CFAP161: variants seen among roughly 807,000 people sequenced by gnomAD.
The protein encoded by CFAP161 is cilia- and flagella-associated protein 161.
Under a neutral mutation model 29.0 loss-of-function variants are expected in CFAP161, and 25 were observed. That is an observed-to-expected ratio of 0.86 (90% confidence interval 0.63 to 1.20). The LOEUF is 1.20. Ranked by LOEUF, CFAP161 falls within the 50% of genes most tolerant of loss-of-function variation. The probability of loss-of-function intolerance (pLI) is 0.00; values close to 1 mark genes in which losing one functional copy is unlikely to be tolerated. For synonymous variants in CFAP161, 116 were observed against 137.4 expected (o/e 0.84, Z 1.09); for missense variants, 367 against 371.9 (o/e 0.99, Z 0.11).
At chr15:81,113,249 A>T (rs1434939963) in intron 1 of CFAP161, among the ~76,000 whole-genome samples, 1 of 152,212 alleles carries the variant, frequency 6.6e-6, no homozygotes, top group Non-Finnish European at 1.5e-5. Flanking sequence ...GAGTAACACC[A>T]GAGACTGCAC....
chr15:81,116,371 G>A (rs900261023), intron 1 of CFAP161, among the ~76,000 whole-genome samples: 4 of 152,212 alleles, frequency 2.6e-5, no homozygotes, highest in Non-Finnish European at 4.4e-5. Flanking sequence ...TTGGCTCACT[G>A]CAGCCTCCGC....
At chr15:81,124,861 C>T (rs1376281618) in intron 1 of CFAP161, among the ~76,000 whole-genome samples, 1 of 151,966 alleles carries the variant, frequency 6.6e-6, no homozygotes, top group African/African-American at 2.4e-5. Flanking sequence ...TAATATTCCC[C>T]TTATCATTTC....
intron 1 of CFAP161, among the ~76,000 whole-genome samples, chr15:81,125,922 T>C (rs1894635484): frequency 1.3e-5 from 2 of 152,310 alleles, no homozygotes; most frequent in South Asian, 4.1e-4. Context: ...TAGGCTGGAG[T>C]GCAGTGGCAC....
intron 1 of CFAP161, among the ~76,000 whole-genome samples, chr15:81,121,704 AC>A (rs1421101247): frequency 2.0e-5 from 3 of 152,172 alleles, no homozygotes; most frequent in Non-Finnish European, 4.4e-5. Context: ...TTTCCCCATA[AC>A]ATATTTTTTT....
intron 1 of CFAP161, among the ~76,000 whole-genome samples, chr15:81,125,598 A>G (rs1049663714): frequency 1.3e-5 from 2 of 152,230 alleles, no homozygotes; most frequent in African/African-American, 4.8e-5. Context: ...TTTATTTACT[A>G]AAGGTTTACT....
At chr15:81,115,974 T>G (rs1245120214) in intron 1 of CFAP161, among the ~76,000 whole-genome samples, 1 of 151,946 alleles carries the variant, frequency 6.6e-6, no homozygotes, top group Non-Finnish European at 1.5e-5. Flanking sequence ...ATTAATTGAA[T>G]GAATCAAATG....
intron 1 of CFAP161, among the ~76,000 whole-genome samples, chr15:81,113,954 T>G (rs1894466946): frequency 6.6e-6 from 1 of 152,216 alleles, no homozygotes; most frequent in African/African-American, 2.4e-5. Flanking sequence ...GAGCTTATTA[T>G]GAATAACAAA....
Position 81,138,103 on chromosome 15 carries a change from CT to C in CFAP161, c.446del (p.Leu149ArgfsTer3), listed in dbSNP as rs1309126953. ...QVLRYGQDFCLGITGGFDNKM... is the reference protein window; with the variant it reads ...QVLRYGQDFCXGITGGFDNKM... ...CCTTAGATATGGGCAGGACTTTTGC[CT>C]GGGGATAACAGGAGGATTTGACAAC... On this transcript the variant is annotated frameshift_variant, in exon 4 of 7. Transcript: ENST00000286732. LOFTEE classifies it high-confidence loss of function. The C allele has an allele frequency of 5.6e-6, 9 of 1,613,010 alleles. No homozygotes were observed. The highest frequency in any genetic ancestry group is 1.3e-5 in the African/African-American group (1 of 74,886).
chr15:81,126,623 C>G (rs1894644693), intron 1 of CFAP161, among the ~76,000 whole-genome samples: 1 of 152,136 alleles, frequency 6.6e-6, no homozygotes, highest in Non-Finnish European at 1.5e-5. Context: ...TTGCTCTGAG[C>G]TCAAGATTTT....
At chr15:81,142,043 C>T (rs892755795) in intron 4 of CFAP161, among the ~76,000 whole-genome samples, 3 of 152,050 alleles carry the variant, frequency 2.0e-5, no homozygotes, top group African/African-American at 7.2e-5. Context: ...TCATCCAGGG[C>T]CAATGGCGAA....
At chr15:81,147,799 C>T (rs1471249969) in intron 5 of CFAP161, 59 bp from the exon 6 acceptor site, 6 of 1,357,352 alleles carry the variant, frequency 4.4e-6, no homozygotes, top group Non-Finnish European at 5.9e-6. Flanking sequence ...AAGCTTTTCC[C>T]TAAAAGCAAA....
At chr15:81,116,662 G>T (rs1477592597) in intron 1 of CFAP161, among the ~76,000 whole-genome samples, 1 of 152,138 alleles carries the variant, frequency 6.6e-6, no homozygotes, top group African/African-American at 2.4e-5. Context: ...TTTTTCCCCT[G>T]GTTTGTAGTG....
intron 1 of CFAP161, among the ~76,000 whole-genome samples, chr15:81,111,298 A>G (rs1428580070): frequency 6.6e-6 from 1 of 152,204 alleles, no homozygotes; most frequent in Admixed American, 6.5e-5. Flanking sequence ...CGCACAGTGA[A>G]TTTTGGTTGA....
upstream of CFAP161, among the ~76,000 whole-genome samples, chr15:81,133,203 ATATATATATATATATATATATGTATT>A (rs1316453787): frequency 1.2e-4 from 7 of 57,968 alleles, no homozygotes; most frequent in Non-Finnish European, 1.8e-4. Flanking sequence ...ATATATATAT[ATATATATATATATATATATATGTATT>A]TTTTTTTAAA....
intron 1 of CFAP161, among the ~76,000 whole-genome samples, chr15:81,105,216 C>CCT (rs1894355993): frequency 1.7e-5 from 1 of 58,692 alleles, no homozygotes; most frequent in Non-Finnish European, 5.3e-5. Flanking sequence ...CTCCTTTCTC[C>CCT]CCCACCCTCC....
At chr15:81,144,432 C>CA (rs1894971585) in intron 5 of CFAP161, among the ~76,000 whole-genome samples, 2 of 151,964 alleles carry the variant, frequency 1.3e-5, no homozygotes, top group Non-Finnish European at 2.9e-5. Context: ...CCTGTCTCTA[C>CA]AAAAAATACA....
chr15:81,113,279 T>C (rs1894459844), intron 1 of CFAP161, among the ~76,000 whole-genome samples: 1 of 152,284 alleles, frequency 6.6e-6, no homozygotes, highest in African/African-American at 2.4e-5. Flanking sequence ...GAAATAGACT[T>C]CAGCAAACTA....
intron 1 of CFAP161, among the ~76,000 whole-genome samples, chr15:81,104,808 C>T (rs1455348397): frequency 6.6e-6 from 1 of 152,128 alleles, no homozygotes; most frequent in Non-Finnish European, 1.5e-5. Context: ...ATAAATGGCA[C>T]CTACTGTATA....
At chr15:81,129,218 G>A (rs965179662) in intron 2 of CFAP161, among the ~76,000 whole-genome samples, 1 of 152,068 alleles carries the variant, frequency 6.6e-6, no homozygotes, top group Admixed American at 6.6e-5. Flanking sequence ...AAACAGATGT[G>A]CTGTCATCCA....
Sources: allele counts gnomAD v4.1 joint callset (sites outside exome capture counted in the v4.1 genomes callset), GRCh38; gene constraint gnomAD v4.1.1; transcripts MANE v1.5; gene names NCBI Gene and HGNC (gene_info 2026-07-23, HGNC 2026-07-21).